GPR107: variants seen among roughly 807,000 people sequenced by gnomAD.
The protein encoded by GPR107 is G protein-coupled receptor 107, also known as protein GPR107.
A neutral mutation model predicts 75.5 loss-of-function variants in GPR107; 31 were observed. That is an observed-to-expected ratio of 0.41 (90% CI 0.31 to 0.55). The LOEUF is 0.55. Among genes scored for constraint, GPR107 ranks in the 20% least tolerant of loss-of-function variants. The pLI is 0.26. For synonymous variants in GPR107, 267 were observed against 251.3 expected (o/e 1.06, Z -0.59); for missense variants, 572 against 665.7 (o/e 0.86, Z 1.55).
chr9:130,107,471 T>C, intron 13 of GPR107, 25 bp from the exon 14 acceptor site: 1 of 1,485,588 alleles, frequency 6.7e-7, no homozygotes, highest in South Asian at 1.1e-5. Context: ...AGCTAACTTT[T>C]TGTTCTCTAA....
intron 14 of GPR107, among the ~76,000 whole-genome samples, chr9:130,114,230 G>T (rs141272311): frequency 6.3e-5 from 9 of 141,918 alleles, no homozygotes; most frequent in Non-Finnish European, 1.3e-4. Flanking sequence ...TTAGCTGAGC[G>T]TGGTAGCGCA....
chr9:130,130,854 G>C (rs533228030), intron 17 of GPR107, among the ~76,000 whole-genome samples: 3 of 140,868 alleles, frequency 2.1e-5, no homozygotes, highest in African/African-American at 8.0e-5. Flanking sequence ...TGGGCGATGA[G>C]AGTGAAACTC....
chr9:130,078,179 A>G (rs915885722), intron 4 of GPR107, among the ~76,000 whole-genome samples: 3 of 152,000 alleles, frequency 2.0e-5, no homozygotes, highest in African/African-American at 7.3e-5. Flanking sequence ...AAAAAAAAAA[A>G]ATGTTGAACT....
At chr9:130,123,189 C>T (rs973420264) in intron 14 of GPR107, among the ~76,000 whole-genome samples, 4 of 151,972 alleles carry the variant, frequency 2.6e-5, no homozygotes, top group African/African-American at 4.8e-5. Flanking sequence ...ACCACAGGTA[C>T]GTGCCATCAC....
chr9:130,101,340 G>A (rs1831028447), intron 12 of GPR107, 117 bp downstream of exon 12: 2 of 689,670 alleles, frequency 2.9e-6, no homozygotes, highest in Admixed American at 4.3e-5. Flanking sequence ...TTCTGCTAGT[G>A]GAGGTTGAAG....
At chr9:130,124,543 T>C (rs1345834321) in intron 14 of GPR107, among the ~76,000 whole-genome samples, 1 of 152,206 alleles carries the variant, frequency 6.6e-6, no homozygotes, top group Admixed American at 6.5e-5. Flanking sequence ...CACAGCTCTG[T>C]GCAGAGCTGA....
intron 17 of GPR107, chr9:130,130,086 A>C (rs1831783865): frequency 6.6e-6 from 1 of 152,108 alleles, no homozygotes; most frequent in African/African-American, 2.4e-5. Flanking sequence ...CCATTACCCC[A>C]CCAGGCCTGA....
intron 6 of GPR107, among the ~76,000 whole-genome samples, chr9:130,085,753 G>GTTTTTTTTTTTTTTTTTTTTTTTTTT (rs1189602398): frequency 3.1e-5 from 1 of 32,258 alleles, no homozygotes; most frequent in Non-Finnish European, 5.7e-5. Flanking sequence ...GCAATATTTT[G>GTTTTTTTTTTTTTTTTTTTTTTTTTT]ATTTTTTTTT....
At chr9:130,117,605 T>G (rs1182280707) in intron 14 of GPR107, among the ~76,000 whole-genome samples, 8 of 152,196 alleles carry the variant, frequency 5.3e-5, no homozygotes, top group Non-Finnish European at 7.3e-5. Context: ...AGCCCAGGAC[T>G]TAAGCAGATT....
At position 130,101,215 on chromosome 9, in the gene GPR107, C is replaced by T; in HGVS notation, c.1123C>T (p.Pro375Ser). ...KDKKIFMIVI[P>S]LQVLANVAYI... ...CAAAAAGATCTTCATGATTGTCATT[C>T]CACTCCAGGTAAAAGAACCCTCATC... Residue 375 changes from proline to serine, a missense_variant, in exon 12 of 18, where the codon CCA becomes TCA. By Grantham distance (74) the Pro-to-Ser change is moderately conservative. Transcript: ENST00000347136. The T allele has an allele frequency of 6.6e-7, 1 of 1,509,686 alleles. No homozygotes were observed. Among genetic ancestry groups the T allele is most frequent in the Non-Finnish European group, 9.2e-7 (1 of 1,084,656 alleles). The allele number at this position is 1,509,686 out of a possible 1,614,324, so 93.5% of individuals were successfully genotyped here.
rs558497717 is a variant in GPR107 at position 130,131,249 on chromosome 9, C to G, written c.1562+2488C>G. 7.2e-4 allele frequency among the ~76,000 whole-genome samples: 109 copies of G among 152,266 alleles called. 1 individual carries two copies. The highest frequency in any genetic ancestry group is 2.5e-3 in the African/African-American group (104 of 41,554). On this transcript the variant is annotated intron_variant, in intron 17 of 17. Coordinates refer to ENST00000347136, the MANE Select transcript of GPR107 (RefSeq NM_020960.5). ...GCTGCAGAGCCTGAGCTTCCAGGACCGTTGCGGGCGCCCTGTCTGCAGGGG... is the reference window on the plus strand; with the variant it reads ...GCTGCAGAGCCTGAGCTTCCAGGACGGTTGCGGGCGCCCTGTCTGCAGGGG...
At chr9:130,121,852 C>T (rs1019753818) in intron 14 of GPR107, among the ~76,000 whole-genome samples, 1 of 152,126 alleles carries the variant, frequency 6.6e-6, no homozygotes, top group African/African-American at 2.4e-5. Flanking sequence ...GTCAGGACTT[C>T]AGCAAGCAAA....
In GPR107 at chr9:130,112,438, G is replaced by A. The variant is rs1322808808; in HGVS notation, c.1306+4899G>A. ...AAAAGCAATGATGGGTGAAATTGCCGGCACCGTCACGTGATTCCAGGCTGT... is the reference window on the plus strand; with the variant it reads ...AAAAGCAATGATGGGTGAAATTGCCAGCACCGTCACGTGATTCCAGGCTGT... On this transcript the variant is annotated intron_variant, in intron 14 of 17. Coordinates refer to ENST00000347136, the MANE Select transcript of GPR107 (RefSeq NM_020960.5). The surrounding 1 kb of genome is among the most constrained non-coding windows in gnomAD (Gnocchi z 4.0). Among the ~76,000 whole-genome samples the A allele has an allele frequency of 2.0e-5, 3 of 152,176 alleles. No homozygotes were observed. The highest frequency in any genetic ancestry group is 2.1e-4 in the South Asian group (1 of 4,830).
At chr9:130,130,827 G>A (rs1588087068) in intron 17 of GPR107, among the ~76,000 whole-genome samples, 1 of 144,242 alleles carries the variant, frequency 6.9e-6, no homozygotes, top group South Asian at 2.3e-4. Context: ...CTGAGATCAC[G>A]CCACTGCACT....
intron 17 of GPR107, among the ~76,000 whole-genome samples, chr9:130,131,458 G>A (rs1041236469): frequency 6.6e-6 from 1 of 151,794 alleles, no homozygotes; most frequent in African/African-American, 2.4e-5. Context: ...CCTGTCACCC[G>A]CCCTGCCTGT....
At chr9:130,072,765 A>T (rs1219117170) in intron 1 of GPR107, among the ~76,000 whole-genome samples, 2 of 151,580 alleles carry the variant, frequency 1.3e-5, no homozygotes, top group African/African-American at 4.9e-5. Context: ...ATTTTCTGGA[A>T]AAAAAAAACA....
chr9:130,091,669 C>A (rs1589504931), intron 8 of GPR107, among the ~76,000 whole-genome samples: 1 of 151,466 alleles, frequency 6.6e-6, no homozygotes, highest in Admixed American at 6.6e-5. Flanking sequence ...GCTGGGATTA[C>A]AGGCGCCTTT....
At chr9:130,068,201 T>C (rs1478693176) in intron 1 of GPR107, among the ~76,000 whole-genome samples, 8 of 152,122 alleles carry the variant, frequency 5.3e-5, no homozygotes, top group Admixed American at 3.3e-4. Flanking sequence ...CAGCTTGGTT[T>C]TGTAAGTCGG....
chr9:130,088,977 C>A (rs1232459395), intron 7 of GPR107, among the ~76,000 whole-genome samples: 1 of 151,928 alleles, frequency 6.6e-6, no homozygotes, highest in Non-Finnish European at 1.5e-5. Flanking sequence ...CATAGTGAAA[C>A]CCCGTCTCTA....
Sources: allele counts gnomAD v4.1 joint callset (sites outside exome capture counted in the v4.1 genomes callset), GRCh38; gene constraint gnomAD v4.1.1; non-coding constraint Gnocchi (gnomAD v3.1); transcripts MANE v1.5; gene names NCBI Gene and HGNC (gene_info 2026-07-23, HGNC 2026-07-21).